Variants in ASCC3 observed in about 807,000 individuals in gnomAD.
The protein encoded by ASCC3 is activating signal cointegrator 1 complex subunit 3.
Under a neutral mutation model 256.3 loss-of-function variants are expected in ASCC3, and 158 were observed. The ratio of observed to expected loss-of-function variants is 0.62; its 90% confidence interval spans 0.54 to 0.70. ASCC3 has a LOEUF of 0.70. ASCC3 is among the 30% of genes least tolerant of loss of function. The probability of loss-of-function intolerance (pLI) is 0.00; values close to 1 mark genes in which losing one functional copy is unlikely to be tolerated. For synonymous variants in ASCC3, 948 were observed against 883.4 expected (o/e 1.07, Z -1.30); for missense variants, 2,259 against 2,626.0 (o/e 0.86, Z 3.05).
At chr6:100,601,679 G>T in intron 34 of ASCC3, 131 bp downstream of exon 34, 1 of 1,020,546 alleles carries the variant, frequency 9.8e-7, no homozygotes. Flanking sequence ...TGATTCTTTA[G>T]ACAAATTCAT....
intron 15 of ASCC3, 68 bp from the exon 16 acceptor site, chr6:100,662,098 C>A: frequency 6.8e-7 from 1 of 1,466,652 alleles, no homozygotes; most frequent in African/African-American, 1.4e-5. Flanking sequence ...GAACTGAATA[C>A]TGAAATTAGG....
intron 41 of ASCC3, among the ~76,000 whole-genome samples, 164 bp downstream of exon 41, chr6:100,509,768 G>A (rs1041502689): frequency 6.6e-6 from 1 of 151,822 alleles, no homozygotes; most frequent in Non-Finnish European, 1.5e-5. Flanking sequence ...GGCGCCTGTA[G>A]TCCCAGCTAC....
chr6:100,849,758 A>G (rs1016752162), intron 3 of ASCC3, among the ~76,000 whole-genome samples: 3 of 152,146 alleles, frequency 2.0e-5, no homozygotes, highest in African/African-American at 7.2e-5. Flanking sequence ...AAGCTATGTG[A>G]CTTACCTAAA....
chr6:100,547,541 A>G (rs1582427010), intron 36 of ASCC3, among the ~76,000 whole-genome samples: 1 of 152,074 alleles, frequency 6.6e-6, no homozygotes, highest in Non-Finnish European at 1.5e-5. Context: ...AAGAAGGGCT[A>G]AAGATTTTAA....
At chr6:100,717,937 T>C in intron 12 of ASCC3, 138 bp downstream of exon 12, 1 of 711,802 alleles carries the variant, frequency 1.4e-6, no homozygotes, top group Non-Finnish European at 2.3e-6. Flanking sequence ...TGTAATGTGA[T>C]TCAATGTTCT....
At chr6:100,650,771 C>T (rs1167614483) in intron 19 of ASCC3, 57 bp from the exon 20 acceptor site, 2 of 1,369,626 alleles carry the variant, frequency 1.5e-6, no homozygotes, top group South Asian at 1.2e-5. Flanking sequence ...AAATTTTTCA[C>T]ATTGAAATTA....
intron 33 of ASCC3, 124 bp from the exon 34 acceptor site, chr6:100,602,059 CTT>C: frequency 1.1e-6 from 1 of 942,844 alleles, no homozygotes; most frequent in Non-Finnish European, 1.5e-6. Flanking sequence ...TTTTATATAA[CTT>C]AAATATTTAG....
Position 100,696,198 on chromosome 6 carries a change from A to G in ASCC3, c.2152-16446T>C, listed in dbSNP as rs372976392. ...ATTTTACAATATTAAATATAGACAC[A>G]TAATTTTTCTTTCCATCCCCTCTCA... On this transcript the variant is annotated intron_variant, in intron 13 of 41. Coordinates refer to ENST00000369162, the MANE Select transcript of ASCC3 (RefSeq NM_006828.4). Among the ~76,000 whole-genome samples the G allele has an allele frequency of 2.6e-5, 4 of 152,288 alleles. No homozygotes were observed. The East Asian group carries it at 5.8e-4, about 22-fold the overall frequency.
chr6:100,578,669 G>C (rs566543345), intron 36 of ASCC3, among the ~76,000 whole-genome samples: 10 of 151,986 alleles, frequency 6.6e-5, no homozygotes, highest in Middle Eastern at 3.4e-3. Context: ...GTCTACTGTT[G>C]ACGGGCATTT....
intron 3 of ASCC3, among the ~76,000 whole-genome samples, chr6:100,859,651 T>C (rs1773128583): frequency 6.6e-6 from 1 of 151,990 alleles, no homozygotes; most frequent in African/African-American, 2.4e-5. Context: ...CAAACTACAA[T>C]GGATTTACAA....
At chr6:100,554,222 T>C (rs1769448868) in intron 36 of ASCC3, among the ~76,000 whole-genome samples, 1 of 152,158 alleles carries the variant, frequency 6.6e-6, no homozygotes. Flanking sequence ...TGTGAACAAA[T>C]GAATGTTGGT....
chr6:100,558,009 G>A (rs1190533625), intron 36 of ASCC3, among the ~76,000 whole-genome samples: 3 of 150,080 alleles, frequency 2.0e-5, no homozygotes. Context: ...GCATTTTCAA[G>A]TATACTTTAT....
chr6:100,715,283 A>G, intron 13 of ASCC3, 179 bp downstream of exon 13: 1 of 579,444 alleles, frequency 1.7e-6, no homozygotes, highest in South Asian at 2.1e-5. Context: ...AATATCTATG[A>G]ATATTTTTAT....
chr6:100,647,060 A>C (rs1476583995), intron 21 of ASCC3, among the ~76,000 whole-genome samples, 166 bp downstream of exon 21: 1 of 152,186 alleles, frequency 6.6e-6, no homozygotes, highest in Non-Finnish European at 1.5e-5. Flanking sequence ...ACTCACTTGA[A>C]TATAAAGAGA....
intron 11 of ASCC3, among the ~76,000 whole-genome samples, chr6:100,719,360 T>C (rs536757491): frequency 1.3e-5 from 2 of 152,190 alleles, no homozygotes; most frequent in East Asian, 1.9e-4. Flanking sequence ...TTTCACAACA[T>C]ACAGTAATTA....
intron 34 of ASCC3, among the ~76,000 whole-genome samples, chr6:100,593,794 C>T (rs1287654747): frequency 6.6e-6 from 1 of 151,956 alleles, no homozygotes; most frequent in Non-Finnish European, 1.5e-5. Flanking sequence ...CACATTTTTG[C>T]CTCAGATATA....
At chr6:100,530,936 A>G in intron 37 of ASCC3, 1 of 1,376,096 alleles carries the variant, frequency 7.3e-7, no homozygotes, top group Non-Finnish European at 1.0e-6. Context: ...AGACTTCAGT[A>G]CAGTGATTGC....
intron 36 of ASCC3, among the ~76,000 whole-genome samples, chr6:100,554,888 T>C (rs1009022847): frequency 2.0e-5 from 3 of 152,036 alleles, no homozygotes; most frequent in African/African-American, 7.2e-5. Context: ...AAAAACTAAG[T>C]GTGATATAAC....
intron 22 of ASCC3, among the ~76,000 whole-genome samples, chr6:100,646,166 T>C (rs937551416): frequency 6.6e-6 from 1 of 152,164 alleles, no homozygotes; most frequent in Non-Finnish European, 1.5e-5. Context: ...AAAATCTCTA[T>C]GGAGTTAAAT....
Sources: gnomAD v4.1 joint callset for allele counts (sites outside exome capture counted in the v4.1 genomes callset) on GRCh38, gnomAD v4.1.1 for gene constraint, MANE v1.5 for transcripts, NCBI Gene and HGNC (gene_info 2026-07-23, HGNC 2026-07-21) for gene names.